The following ASCC3 variants were observed in gnomAD, a reference collection of about 807,000 sequenced individuals.
ASCC3 encodes ASC-1 complex subunit P200.
In ASCC3, 158 loss-of-function variants were observed where a neutral mutation model predicts 256.3. The observed-to-expected ratio is 0.62, with a 90% CI of 0.54 to 0.70. The LOEUF is 0.70. ASCC3 is among the 30% of genes least tolerant of loss of function. The probability of loss-of-function intolerance (pLI) is 0.00; values close to 1 mark genes in which losing one functional copy is unlikely to be tolerated. For synonymous variants in ASCC3, 948 were observed against 883.4 expected (o/e 1.07, Z -1.30); for missense variants, 2,259 against 2,626.0 (o/e 0.86, Z 3.05).
chr6:100,581,559 T>C (rs1451006597), intron 36 of ASCC3, among the ~76,000 whole-genome samples: 3 of 150,800 alleles, frequency 2.0e-5, no homozygotes, highest in Non-Finnish European at 4.5e-5. Flanking sequence ...TGGTAGTTTC[T>C]TTTGCTGTGC....
chr6:100,715,675 T>C (rs1779056739), intron 12 of ASCC3, 142 bp from the exon 13 acceptor site: 1 of 606,924 alleles, frequency 1.6e-6, no homozygotes, highest in African/African-American at 1.9e-5. Flanking sequence ...CTCATAAACA[T>C]ATAACATATA....
chr6:100,625,464 C>T, intron 29 of ASCC3, 130 bp from the exon 30 acceptor site: 8 of 1,051,268 alleles, frequency 7.6e-6, no homozygotes, highest in Non-Finnish European at 1.5e-6. Flanking sequence ...GGCATTATTG[C>T]AGGTACTACA....
chr6:100,748,626 A>C (rs990096263), intron 10 of ASCC3, among the ~76,000 whole-genome samples: 7 of 152,024 alleles, frequency 4.6e-5, no homozygotes, highest in African/African-American at 1.7e-4. Context: ...AAAGCACCAC[A>C]TCTTTCACAC....
At position 100,812,616 on chromosome 6, in the gene ASCC3, T is replaced by A. The variant is rs766746527; in HGVS notation, c.802-6736A>T. On this transcript the variant is annotated intron_variant, in intron 4 of 41. Transcript: ENST00000369162. ...AATAATCAGCAAACTGGAAGACAGA[T>A]GGATATTATGACATTTGAAGAACAA... Among the ~76,000 whole-genome samples, 11 of 152,144 alleles carry A rather than the reference T, an allele frequency of 7.2e-5. No individual in the cohort carries two copies. In the East Asian group the frequency reaches 1.4e-3, roughly 19 times the overall value.
chr6:100,664,069 T>A (rs1294256897), intron 14 of ASCC3, among the ~76,000 whole-genome samples: 1 of 152,134 alleles, frequency 6.6e-6, no homozygotes, highest in Non-Finnish European at 1.5e-5. Flanking sequence ...GAAGATTCAC[T>A]ATACAATAGG....
At chr6:100,613,206 G>A (rs1773496097) in intron 30 of ASCC3, among the ~76,000 whole-genome samples, 1 of 150,452 alleles carries the variant, frequency 6.6e-6, no homozygotes, top group Non-Finnish European at 1.5e-5. Flanking sequence ...ACCTGAATTG[G>A]GTACATTGTA....
chr6:100,607,116 G>T, intron 30 of ASCC3, 28 bp from the exon 31 acceptor site: 1 of 1,609,078 alleles, frequency 6.2e-7, no homozygotes, highest in Non-Finnish European at 8.5e-7. Context: ...ATTACAAGAT[G>T]TAGATGCATA....
chr6:100,872,511 GC>G (rs1344566290), intron 1 of ASCC3, among the ~76,000 whole-genome samples: 1 of 151,428 alleles, frequency 6.6e-6, no homozygotes, highest in African/African-American at 2.4e-5. Context: ...CTAGACTGCA[GC>G]TCCCACTCTG....
chr6:100,838,090 G>A (rs1314977805), intron 4 of ASCC3, among the ~76,000 whole-genome samples: 1 of 151,844 alleles, frequency 6.6e-6, no homozygotes, highest in Non-Finnish European at 1.5e-5. Context: ...AAAAATTAAA[G>A]TTGTTCTATA....
chr6:100,655,924 C>A, intron 16 of ASCC3, 106 bp from the exon 17 acceptor site: 1 of 1,322,432 alleles, frequency 7.6e-7, no homozygotes, highest in Non-Finnish European at 1.1e-6. Flanking sequence ...CATCATTATG[C>A]AGTATTTTTA....
chr6:100,810,477 T>G (rs79079692), intron 4 of ASCC3, among the ~76,000 whole-genome samples: 1,702 of 152,300 alleles, frequency 0.011, 37 homozygotes, highest in African/African-American at 0.039. Context: ...TTAATTAAGA[T>G]GTATCAAAGA....
At chr6:100,698,531 T>C (rs1778193236) in intron 13 of ASCC3, among the ~76,000 whole-genome samples, 1 of 151,978 alleles carries the variant, frequency 6.6e-6, no homozygotes, top group South Asian at 2.1e-4. Context: ...TAACTTAAAA[T>C]AACTGGTGAC....
chr6:100,595,599 A>G (rs1772251854), intron 34 of ASCC3, among the ~76,000 whole-genome samples: 1 of 152,176 alleles, frequency 6.6e-6, no homozygotes, highest in Admixed American at 6.5e-5. Context: ...TAAAGAACCC[A>G]TTGTTCAGCA....
chr6:100,670,638 T>A (rs556274093), intron 14 of ASCC3, among the ~76,000 whole-genome samples: 1 of 142,990 alleles, frequency 7.0e-6, no homozygotes, highest in Non-Finnish European at 1.5e-5. Context: ...ACCAACTTTT[T>A]TTCCCCCCCA....
chr6:100,829,556 C>T (rs894698481), intron 4 of ASCC3, among the ~76,000 whole-genome samples: 2 of 152,058 alleles, frequency 1.3e-5, no homozygotes, highest in Non-Finnish European at 2.9e-5. Flanking sequence ...CCCTGGTTCC[C>T]GCTGGCGGCG....
At chr6:100,699,439 G>GT (rs1424427064) in intron 13 of ASCC3, among the ~76,000 whole-genome samples, 3 of 152,172 alleles carry the variant, frequency 2.0e-5, no homozygotes, top group South Asian at 4.1e-4. Flanking sequence ...ATGTGGAACT[G>GT]TAAGTATGTG....
intron 8 of ASCC3, among the ~76,000 whole-genome samples, chr6:100,768,744 T>C (rs1161627132): frequency 6.6e-6 from 1 of 152,102 alleles, no homozygotes; most frequent in Non-Finnish European, 1.5e-5. Context: ...TTGACACTTA[T>C]TCATCTAATA....
rs1409314517 is a variant in ASCC3 at position 100,856,425 on chromosome 6, TACTTATC to T, written c.241+7632_241+7638del. 3.1e-6 allele frequency: 3 copies of T among 980,680 alleles called. No individual in the cohort carries two copies. In the African/African-American group the frequency reaches 5.3e-5, roughly 17 times the overall value. The allele number at this position is 980,680 out of a possible 1,614,324, so 60.7% of individuals were successfully genotyped here. A position where few individuals can be genotyped will look rare whatever the true frequency, so the allele number is the denominator to read the frequency against. On this transcript the variant is annotated intron_variant, in intron 3 of 41. Transcript: ENST00000369162. Reference sequence around the variant, plus strand: ...GCTAAATAAATACACAAGCATGTGTTACTTATCAATCTGAAATACTTCTTATTTAATC... The same window carrying T: ...GCTAAATAAATACACAAGCATGTGTTAATCTGAAATACTTCTTATTTAATC...
intron 37 of ASCC3, among the ~76,000 whole-genome samples, chr6:100,520,120 A>G (rs1437112280): frequency 6.6e-6 from 1 of 152,100 alleles, no homozygotes; most frequent in Non-Finnish European, 1.5e-5. Context: ...CTCTCCTGGA[A>G]AATTCTAATT....
Sources: gnomAD v4.1 joint callset for allele counts (sites outside exome capture counted in the v4.1 genomes callset) on GRCh38, gnomAD v4.1.1 for gene constraint, MANE v1.5 for transcripts, NCBI Gene and HGNC (gene_info 2026-07-23, HGNC 2026-07-21) for gene names.